The following DPYD variants were observed in gnomAD, a reference collection of about 807,000 sequenced individuals.
DPYD encodes the protein dihydropyrimidine dehydrogenase.
Under a neutral mutation model 116.2 loss-of-function variants are expected in DPYD, and 109 were observed. The ratio of observed to expected loss-of-function variants is 0.94; its 90% confidence interval spans 0.80 to 1.10. The LOEUF (loss-of-function observed/expected upper bound fraction) is 1.10. DPYD is among the 50% of genes least tolerant of loss of function. The pLI, the probability that DPYD is intolerant of heterozygous loss-of-function variation, is 0.00. For missense variants in DPYD, 1,302 were observed against 1,254.5 expected (o/e 1.04, Z -0.57); for synonymous variants, 440 against 432.0 (o/e 1.02, Z -0.23).
chr1:97,460,101 T>C (rs952792669), intron 13 of DPYD, among the ~76,000 whole-genome samples: 1 of 152,186 alleles, frequency 6.6e-6, no homozygotes, highest in African/African-American at 2.4e-5. Flanking sequence ...ATATAATTTT[T>C]GTAGTATGCA....
intron 6 of DPYD, among the ~76,000 whole-genome samples, chr1:97,697,422 A>T (rs1165636300): frequency 6.6e-6 from 1 of 152,088 alleles, no homozygotes; most frequent in Non-Finnish European, 1.5e-5. Flanking sequence ...GATACAAGAG[A>T]ATGAGAGGCA....
intron 8 of DPYD, among the ~76,000 whole-genome samples, chr1:97,643,877 G>A (rs1658083281): frequency 6.6e-6 from 1 of 151,984 alleles, no homozygotes; most frequent in African/African-American, 2.4e-5. Flanking sequence ...AGTGGGAGTT[G>A]AACAATGAGA....
At chr1:97,333,667 C>A (rs760318446) in intron 16 of DPYD, among the ~76,000 whole-genome samples, 1 of 150,754 alleles carries the variant, frequency 6.6e-6, no homozygotes, top group Non-Finnish European at 1.5e-5. Flanking sequence ...ATTACAGGTG[C>A]CTGCCACCAC....
Position 97,305,443 on chromosome 1 carries a change from A to G in DPYD, c.2180-65T>C, listed in dbSNP as rs1364475516. ...AGACACGATAGTTAAAACCCATTCA[A>G]ACCCTCACATCCCAGAAAAATGCAT... On this transcript the variant is annotated intron_variant, in intron 17 of 22. Coordinates refer to ENST00000370192, the MANE Select transcript of DPYD (RefSeq NM_000110.4). 1.9e-6 allele frequency: 3 copies of G among 1,605,828 alleles called. No individual in the cohort carries two copies. In the African/African-American group the frequency reaches 4.0e-5, roughly 22 times the overall value.
At chr1:97,295,300 T>G (rs1457173920) in intron 18 of DPYD, among the ~76,000 whole-genome samples, 1 of 152,222 alleles carries the variant, frequency 6.6e-6, no homozygotes, top group Non-Finnish European at 1.5e-5. Flanking sequence ...TGCTATGCAT[T>G]GCTTGAATAG....
chr1:97,494,805 A>G (rs936348508), intron 13 of DPYD, among the ~76,000 whole-genome samples: 1 of 151,950 alleles, frequency 6.6e-6, no homozygotes, highest in Non-Finnish European at 1.5e-5. Context: ...TAATTTTAAG[A>G]TAAAAGAAAG....
At chr1:97,756,385 T>C (rs1665238394) in intron 3 of DPYD, among the ~76,000 whole-genome samples, 1 of 152,162 alleles carries the variant, frequency 6.6e-6, no homozygotes, top group Non-Finnish European at 1.5e-5. Context: ...TCTCCCTTTG[T>C]CAAGGGAAGA....
At chr1:97,815,829 G>C (rs1358881575) in intron 3 of DPYD, among the ~76,000 whole-genome samples, 1 of 152,138 alleles carries the variant, frequency 6.6e-6, no homozygotes, top group African/African-American at 2.4e-5. Flanking sequence ...TCAGGAGAGA[G>C]AGAGTAATTA....
chr1:97,218,144 T>A (rs1466942125), intron 19 of DPYD, among the ~76,000 whole-genome samples: 1 of 152,152 alleles, frequency 6.6e-6, no homozygotes, highest in African/African-American at 2.4e-5. Context: ...CTGTAAAGAA[T>A]CTTCAAGCTT....
intron 4 of DPYD, among the ~76,000 whole-genome samples, chr1:97,739,607 A>T (rs1401262859): frequency 1.3e-5 from 2 of 152,162 alleles, no homozygotes; most frequent in African/African-American, 4.8e-5. Context: ...CGAGGAGTTA[A>T]GGTATCTTTA....
intron 13 of DPYD, among the ~76,000 whole-genome samples, chr1:97,498,011 A>G (rs1384433838): frequency 6.6e-6 from 1 of 151,870 alleles, no homozygotes; most frequent in Non-Finnish European, 1.5e-5. Flanking sequence ...AAATGCTACA[A>G]CACAGGTAAA....
In DPYD at chr1:97,875,261, C is replaced by T. The variant is rs540913610; in HGVS notation, c.150+8003G>A. Among the ~76,000 whole-genome samples, 12 of 151,948 alleles carry T rather than the reference C, an allele frequency of 7.9e-5. No homozygotes were observed. In the South Asian group the frequency reaches 1.0e-3, roughly 13 times the overall value. On this transcript the variant is annotated intron_variant, in intron 2 of 22. Transcript: ENST00000370192. Reference sequence around the variant, plus strand: ...CAGGCAGGAATAGGCATGAATAATTCGGTTTTTGACATAGTCATAATCAGA... The same window carrying T: ...CAGGCAGGAATAGGCATGAATAATTTGGTTTTTGACATAGTCATAATCAGA...
intron 2 of DPYD, chr1:97,856,397 C>A (rs961961877): frequency 6.6e-6 from 1 of 151,880 alleles, no homozygotes; most frequent in African/African-American, 2.4e-5. Context: ...AAATATAAGC[C>A]TAAAAGTTTT....
At chr1:97,550,207 A>T (rs1006701661) in intron 11 of DPYD, among the ~76,000 whole-genome samples, 2 of 152,108 alleles carry the variant, frequency 1.3e-5, no homozygotes, top group Non-Finnish European at 2.9e-5. Context: ...ACAACAAAAC[A>T]TTTTATAAAG....
In DPYD at chr1:97,286,176, T is replaced by C. The variant is rs1201973267; in HGVS notation, c.2299+19083A>G. ...AAGGATTTTATTTCTCCTTCACTTA[T>C]GAAGCTTAGTTTGGCTGGATATGAA... On this transcript the variant is annotated intron_variant, in intron 18 of 22. Transcript: ENST00000370192. 1.1e-4 allele frequency among the ~76,000 whole-genome samples: 16 copies of C among 152,294 alleles called. No homozygotes were observed. In the South Asian group the frequency reaches 3.3e-3, roughly 32 times the overall value.
chr1:97,126,060 A>G (rs1652810094), intron 20 of DPYD, among the ~76,000 whole-genome samples: 2 of 152,166 alleles, frequency 1.3e-5, no homozygotes, highest in Admixed American at 6.6e-5. Context: ...TTAATAGTAC[A>G]ATGATAAACT....
chr1:97,367,581 G>T (rs910585262), intron 16 of DPYD, among the ~76,000 whole-genome samples: 1 of 152,146 alleles, frequency 6.6e-6, no homozygotes, highest in Non-Finnish European at 1.5e-5. Flanking sequence ...AGGGGACTGT[G>T]AGGTGGCAAG....
chr1:97,193,301 A>C, intron 19 of DPYD, 53 bp from the exon 20 acceptor site: 1 of 1,555,978 alleles, frequency 6.4e-7, no homozygotes, highest in Non-Finnish European at 8.8e-7. Flanking sequence ...TAATTCTCCA[A>C]ACAAATTCAC....
chr1:97,352,829 A>C (rs890706733), intron 16 of DPYD, among the ~76,000 whole-genome samples: 2 of 152,194 alleles, frequency 1.3e-5, no homozygotes, highest in Non-Finnish European at 2.9e-5. Flanking sequence ...ACATAACACC[A>C]TGTAAAAGAA....
Sources: allele counts gnomAD v4.1 joint callset (sites outside exome capture counted in the v4.1 genomes callset), GRCh38; gene constraint gnomAD v4.1.1; transcripts MANE v1.5; gene names NCBI Gene and HGNC (gene_info 2026-07-23, HGNC 2026-07-21).